IMPG1: variants seen among roughly 807,000 people sequenced by gnomAD.
IMPG1 encodes the protein interphotoreceptor matrix proteoglycan 1.
In IMPG1, 85 loss-of-function variants were observed where a neutral mutation model predicts 92.0. The observed-to-expected ratio is 0.92, with a 90% CI of 0.78 to 1.11. IMPG1 has a LOEUF of 1.11. Among genes scored for constraint, IMPG1 ranks in the 50% least tolerant of loss-of-function variants. IMPG1 has a pLI of 0.00. For synonymous variants in IMPG1, 367 were observed against 334.1 expected, an observed-to-expected ratio of 1.10 and a Z score of -1.08; for missense variants, 1,022 against 956.0, an observed-to-expected ratio of 1.07 and a Z score of -0.91.
intron 1 of IMPG1, among the ~76,000 whole-genome samples, chr6:76,067,593 G>C (rs1582141763): frequency 1.3e-5 from 2 of 152,042 alleles, no homozygotes; most frequent in African/African-American, 4.8e-5. Flanking sequence ...ATTTACAGCT[G>C]ATTTCTACCA....
At position 75,967,873 on chromosome 6, in the gene IMPG1, T is replaced by C. The variant is rs183607873; in HGVS notation, c.1292-16779A>G. ...CACATTGTCCTTCACATTTGGAAGT[T>C]ACAGGCAATAAGTAGTTGAGCCCTC... On this transcript the variant is annotated intron_variant, in intron 12 of 16. Coordinates refer to ENST00000369950, the MANE Select transcript of IMPG1 (RefSeq NM_001563.4). Among the ~76,000 whole-genome samples the C allele has an allele frequency of 2.5e-3, 375 of 152,304 alleles. 1 individual carries two copies. Among genetic ancestry groups the C allele is most frequent in the Non-Finnish European group, 4.5e-3 (309 of 68,022 alleles).
chr6:75,927,376 G>T (rs906478536), intron 15 of IMPG1, among the ~76,000 whole-genome samples: 11 of 152,074 alleles, frequency 7.2e-5, no homozygotes, highest in Non-Finnish European at 7.4e-5. Flanking sequence ...TGTAACCAGG[G>T]TCTAATCTAT....
At chr6:76,007,657 C>A (rs1438452191) in intron 8 of IMPG1, among the ~76,000 whole-genome samples, 157 bp from the exon 9 acceptor site, 1 of 152,110 alleles carries the variant, frequency 6.6e-6, no homozygotes, top group East Asian at 1.9e-4. Flanking sequence ...TTCATATAAA[C>A]TGCCATCAGA....
Position 75,922,162 on chromosome 6 carries a change from AT to A in IMPG1, c.2320del (p.Ile774SerfsTer9). ...CAGTAATTCAGAATTTCTTTTACTGATTACCTGAAAGAGAAATAGTTTTAAG... is the reference window on the plus strand; with the variant it reads ...CAGTAATTCAGAATTTCTTTTACTGATACCTGAAAGAGAAATAGTTTTAAG... ...KFQNQQNNKV[I>X]SKRNSELLTV... On this transcript the variant is annotated frameshift_variant, in exon 17 of 17. Transcript: ENST00000369950. LOFTEE classifies it high-confidence loss of function. The A allele has an allele frequency of 7.8e-7, 1 of 1,290,206 alleles. No homozygotes were observed. The highest frequency in any genetic ancestry group is 1.1e-6 in the Non-Finnish European group (1 of 900,040). 79.9% of individuals were successfully genotyped at this position (1,290,206 alleles called of 1,614,324 possible).
chr6:75,989,765 C>A (rs1420294399), intron 12 of IMPG1, among the ~76,000 whole-genome samples: 1 of 152,170 alleles, frequency 6.6e-6, no homozygotes, highest in Non-Finnish European at 1.5e-5. Context: ...ATCTCTTGAA[C>A]CCATGAGGTG....
intron 4 of IMPG1, among the ~76,000 whole-genome samples, chr6:76,028,162 G>A (rs1164092334): frequency 6.6e-6 from 1 of 152,148 alleles, no homozygotes; most frequent in Non-Finnish European, 1.5e-5. Flanking sequence ...TTAAGTTATT[G>A]TAAACCATGG....
At chr6:76,043,851 C>A (rs560078242) in intron 1 of IMPG1, among the ~76,000 whole-genome samples, 1 of 152,200 alleles carries the variant, frequency 6.6e-6, no homozygotes, top group African/African-American at 2.4e-5. Context: ...ATGTCATCCT[C>A]GGGCAGGCTT....
At chr6:76,022,661 C>T (rs1045909516) in intron 5 of IMPG1, among the ~76,000 whole-genome samples, 11 of 152,214 alleles carry the variant, frequency 7.2e-5, no homozygotes, top group African/African-American at 2.6e-4. Flanking sequence ...GATGAAAGAA[C>T]ATTTAAGATG....
chr6:75,945,681 T>C (rs904992063), intron 14 of IMPG1, among the ~76,000 whole-genome samples: 5 of 152,140 alleles, frequency 3.3e-5, no homozygotes, highest in Non-Finnish European at 7.3e-5. Context: ...TTGCAGAAAT[T>C]GAGTGCTGCA....
intron 1 of IMPG1, among the ~76,000 whole-genome samples, chr6:76,046,543 A>G (rs558556705): frequency 2.6e-5 from 4 of 152,324 alleles, no homozygotes; most frequent in African/African-American, 9.6e-5. Context: ...AAAAGGTAGT[A>G]GCAGCACAAA....
intron 14 of IMPG1, among the ~76,000 whole-genome samples, chr6:75,936,253 G>A (rs538747875): frequency 1.3e-5 from 2 of 152,316 alleles, no homozygotes; most frequent in South Asian, 2.1e-4. Flanking sequence ...TCAAACATAC[G>A]TCTCCCATTC....
In IMPG1 at chr6:76,002,977, T is replaced by C. The variant is rs749562634; in HGVS notation, c.1232A>G (p.Glu411Gly). Residue 411 changes from glutamate to glycine, a missense_variant, in exon 12 of 17, where the codon GAA becomes GGA. By Grantham distance (98) the Glu-to-Gly change is moderately conservative. Around this residue, in one of 3 missense-constraint regions of IMPG1, gnomAD observed 681 missense variants for 583.6 expected, o/e 1.17. Coordinates refer to ENST00000369950, the MANE Select transcript of IMPG1 (RefSeq NM_001563.4). ...AAGCTGGGGTTCAACAGGAGGAAGT[T>C]CTGGACTCAAAGTAGCATCCTGAAG... ...VITEDATLSP[E>G]LPPVEPQLET... 1.2e-6 allele frequency: 2 copies of C among 1,613,544 alleles called. No individual in the cohort carries two copies. The highest frequency in any genetic ancestry group is 4.5e-5 in the East Asian group (2 of 44,874).
Position 75,947,322 on chromosome 6 carries a change from A to G in IMPG1, c.2036T>C (p.Ile679Thr), listed in dbSNP as rs576132697. ...GGGTTGGATTCTTTTACCTGGTTCA[A>G]TGTTGAGAGAGTAGCTGTCTATTTC... Reference protein sequence around the residue: ...HLEIDSYSLNIEPADQADPCK... With the variant: ...HLEIDSYSLNTEPADQADPCK... Residue 679 changes from isoleucine to threonine, a missense_variant, in exon 14 of 17, where the codon ATT becomes ACT. Physicochemically the swap from Ile to Thr is moderately conservative, Grantham distance 89. This residue lies in a region of IMPG1 where 332 missense variants were observed against 346.2 expected (regional missense o/e 0.96). Transcript: ENST00000369950. The G allele has an allele frequency of 5.6e-6, 9 of 1,612,714 alleles. No individual in the cohort carries two copies. The highest frequency in any genetic ancestry group is 2.7e-5 in the African/African-American group (2 of 74,992).
chr6:76,037,993 T>C (rs1377088254), intron 2 of IMPG1, among the ~76,000 whole-genome samples: 1 of 152,232 alleles, frequency 6.6e-6, no homozygotes, highest in Non-Finnish European at 1.5e-5. Context: ...TCGTTGAGCC[T>C]AGCTGCTCCC....
intron 1 of IMPG1, among the ~76,000 whole-genome samples, chr6:76,057,198 A>C (rs1321864468): frequency 1.3e-5 from 2 of 152,178 alleles, no homozygotes; most frequent in Non-Finnish European, 2.9e-5. Flanking sequence ...TGCTGGGCTT[A>C]CTACCTAGGT....
chr6:76,043,457 CTT>C (rs372016746), intron 1 of IMPG1, among the ~76,000 whole-genome samples: 2 of 140,536 alleles, frequency 1.4e-5, no homozygotes, highest in African/African-American at 5.1e-5. Context: ...ATTCCTGTCA[CTT>C]TGAGAAGTCT....
At chr6:76,027,499 G>A (rs1158631116) in intron 4 of IMPG1, among the ~76,000 whole-genome samples, 1 of 152,186 alleles carries the variant, frequency 6.6e-6, no homozygotes, top group South Asian at 2.1e-4. Context: ...AGTAAAATGT[G>A]TTTTTATAGT....
Position 75,959,485 on chromosome 6 carries a change from G to T in IMPG1, c.1292-8391C>A, listed in dbSNP as rs78006551. 2.9e-3 allele frequency among the ~76,000 whole-genome samples: 447 copies of T among 152,296 alleles called. 3 individuals are homozygous for T. The highest frequency in any genetic ancestry group is 0.01 in the African/African-American group (429 of 41,572). ...GCATCCACAGCCCCCCCTTCCCCCA[G>T]GTGCTCTGTCCCAGGGAGATATGAG... On this transcript the variant is annotated intron_variant, in intron 12 of 16. Transcript: ENST00000369950.
intron 15 of IMPG1, 80 bp downstream of exon 15, chr6:75,930,873 T>A: frequency 1.6e-6 from 2 of 1,275,620 alleles, no homozygotes; most frequent in Non-Finnish European, 2.2e-6. Context: ...AAGGACCATA[T>A]GAATTTACTC....
Sources: allele counts gnomAD v4.1 joint callset (sites outside exome capture counted in the v4.1 genomes callset), GRCh38; gene constraint gnomAD v4.1.1; regional missense constraint gnomAD v4.1.1; transcripts MANE v1.5; gene names NCBI Gene and HGNC (gene_info 2026-07-23, HGNC 2026-07-21).